The following PSD4 variants were observed in gnomAD, a reference collection of about 807,000 sequenced individuals.
The protein encoded by PSD4 is PH and SEC7 domain-containing protein 4.
A neutral mutation model predicts 112.5 loss-of-function variants in PSD4; 59 were observed. The observed-to-expected ratio is 0.52, with a 90% CI of 0.43 to 0.65. The LOEUF is 0.65. PSD4 is among the 30% of genes least tolerant of loss of function. PSD4 has a pLI of 0.00. For missense variants in PSD4, 1,267 were observed against 1,352.6 expected (o/e 0.94, Z 0.99); for synonymous variants, 533 against 540.0 (o/e 0.99, Z 0.18).
At position 113,198,800 on chromosome 2, in the gene PSD4, C is replaced by A; in HGVS notation, c.2685C>A (p.Ser895=). The stretch of plus-strand genomic sequence containing the variant: ...TCAACTTGGCTGCGGCCACGCACTC[C>A]GCGCCGCCCTTCCCCGCCGCTGTGG... ...ARINLAAATH[S]APPFPAAVGS... The change falls in exon 15 of 17, where the codon TCC becomes TCA. Residue 895 remains serine, a synonymous_variant. Coordinates refer to ENST00000245796, the MANE Select transcript of PSD4 (RefSeq NM_012455.3). The A allele has an allele frequency of 6.3e-7, 1 of 1,589,566 alleles. No homozygotes were observed. Among genetic ancestry groups the A allele is most frequent in the Non-Finnish European group, 8.5e-7 (1 of 1,172,046 alleles).
rs562274487 is a variant in PSD4, at chr2:113,195,534, C to CAGATGGAT, written c.2182-193_2182-192insAGATGGAT. On this transcript the variant is annotated intron_variant, in intron 10 of 16. Coordinates refer to ENST00000245796, the MANE Select transcript of PSD4 (RefSeq NM_012455.3). ...AATACTCCAGAAATACTTTGTTGCA[C>CAGATGGAT]GGATGGATGGATGGATGGATGGATG... Among the ~76,000 whole-genome samples the CAGATGGAT allele has an allele frequency of 5.3e-5, 8 of 150,632 alleles. No homozygotes were observed. The South Asian group carries it at 1.3e-3, about 24-fold the overall frequency.
intron 2 of PSD4, among the ~76,000 whole-genome samples, chr2:113,184,320 C>T (rs192813653): frequency 4.6e-5 from 7 of 151,984 alleles, no homozygotes; most frequent in Admixed American, 2.6e-4. Flanking sequence ...TGGGCCAGGG[C>T]CCCCAGTGTG....
chr2:113,195,846 C>A, intron 11 of PSD4, 76 bp downstream of exon 11: 1 of 1,576,594 alleles, frequency 6.3e-7, no homozygotes, highest in Non-Finnish European at 8.7e-7. Flanking sequence ...CTGTCACCCA[C>A]CCGAGAGTTA....
At chr2:113,200,259 G>A (rs1688737849) in intron 16 of PSD4, among the ~76,000 whole-genome samples, 1 of 152,158 alleles carries the variant, frequency 6.6e-6, no homozygotes, top group Non-Finnish European at 1.5e-5. Flanking sequence ...CCTAACACTG[G>A]GTGCCTGCTT....
At chr2:113,199,288 C>T in intron 16 of PSD4, 62 bp downstream of exon 16, 1 of 1,375,396 alleles carries the variant, frequency 7.3e-7, no homozygotes, top group Middle Eastern at 2.6e-4. Flanking sequence ...CTCGTGGCCG[C>T]CTCGGTCCCT....
intron 14 of PSD4, chr2:113,198,463 G>C: frequency 2.7e-6 from 1 of 365,064 alleles, no homozygotes; most frequent in Non-Finnish European, 4.9e-6. Flanking sequence ...GTAGAGACGG[G>C]GTTTCACCCT....
chr2:113,188,747 AT>A (rs1201147427), intron 5 of PSD4, among the ~76,000 whole-genome samples: 1 of 151,650 alleles, frequency 6.6e-6, no homozygotes. Context: ...CGCCCGGCTA[AT>A]TTTTTGTATT....
At chr2:113,198,668 C>T in intron 14 of PSD4, 72 bp from the exon 15 acceptor site, 1 of 1,473,892 alleles carries the variant, frequency 6.8e-7, no homozygotes, top group East Asian at 2.5e-5. Flanking sequence ...CAAGCAGCCA[C>T]AGGAGGGGGC....
chr2:113,186,319 C>G (rs1156709327), intron 5 of PSD4, 64 bp downstream of exon 5: 134 of 1,474,136 alleles, frequency 9.1e-5, no homozygotes, highest in Non-Finnish European at 1.2e-4. Flanking sequence ...ATATTCTAGT[C>G]TGGATGGAGG....
chr2:113,197,116 TG>T (rs1291663075), intron 12 of PSD4: 3 of 229,302 alleles, frequency 1.3e-5, no homozygotes, highest in Middle Eastern at 1.7e-3. Context: ...GTGCTCAGAG[TG>T]GGGTACACAG....
rs1558893827 is a variant in PSD4 at position 113,193,661 on chromosome 2, G to A, written c.2091+11G>A. 10 of 1,611,516 alleles carry A rather than the reference G, an allele frequency of 6.2e-6. No homozygotes were observed. Among genetic ancestry groups the A allele is most frequent in the Non-Finnish European group, 8.5e-6 (10 of 1,177,610 alleles). Reference sequence around the variant, plus strand: ...GACCTGCATGGACAGGTAAGACGGTGGAGAGAGTCCCTGTGGGAACTGAGG... The same window carrying A: ...GACCTGCATGGACAGGTAAGACGGTAGAGAGAGTCCCTGTGGGAACTGAGG... On this transcript the variant is annotated intron_variant, in intron 9 of 16. Coordinates refer to ENST00000245796, the MANE Select transcript of PSD4 (RefSeq NM_012455.3).
Position 113,197,609 on chromosome 2 carries a change from G to A in PSD4, c.2432G>A (p.Arg811Gln), listed in dbSNP as rs767825955. ...TGGAAGATGTTCCACACCTTACTGC[G>A]AGGGATGGTTCTCTACTTCCTGAAG... is the stretch of plus-strand genomic sequence containing the variant. ...RGWKMFHTLL[R>Q]GMVLYFLKQG... The change falls in exon 13 of 17, where the codon CGA becomes CAA. Residue 811 changes from arginine to glutamine, a missense_variant. Around this residue, in one of 2 missense-constraint regions of PSD4, gnomAD observed 544 missense variants for 648.6 expected, o/e 0.84. Transcript: ENST00000245796. 2.2e-5 allele frequency: 36 copies of A among 1,614,102 alleles called. No individual in the cohort carries two copies. The highest frequency in any genetic ancestry group is 3.1e-5 in the Non-Finnish European group (36 of 1,180,040).
intron 12 of PSD4, chr2:113,196,595 A>C: frequency 3.0e-6 from 1 of 332,164 alleles, no homozygotes; most frequent in African/African-American, 2.1e-5. Context: ...TCTGCGAAAA[A>C]AATGTAGCAA....
At chr2:113,195,694 G>C (rs759923940) in intron 10 of PSD4, 33 bp from the exon 11 acceptor site, 1 of 1,613,934 alleles carries the variant, frequency 6.2e-7, no homozygotes, top group South Asian at 1.1e-5. Flanking sequence ...CAGCCCTGAG[G>C]CTCCCCTGCC....
chr2:113,185,684 G>C, intron 4 of PSD4, 193 bp from the exon 5 acceptor site: 1 of 1,548,266 alleles, frequency 6.5e-7, no homozygotes, highest in Non-Finnish European at 8.7e-7. Context: ...GCCCTTAGTT[G>C]CCTGGAGGCT....
chr2:113,177,063 T>A (rs184413846), intron 1 of PSD4, among the ~76,000 whole-genome samples: 4 of 152,160 alleles, frequency 2.6e-5, no homozygotes, highest in Non-Finnish European at 1.5e-5. Context: ...ACAAGACAAT[T>A]GAATGGGTCC....
rs963266227 is a variant in PSD4 at position 113,192,643 on chromosome 2, C to G, written c.1838+54C>G. The G allele has an allele frequency of 6.5e-5, 102 of 1,572,936 alleles. No individual in the cohort carries two copies. In the African/African-American group the frequency reaches 1.3e-3, roughly 20 times the overall value. Reference sequence around the variant, plus strand: ...GGAGGCTGAGGCAGCCAGGGAGGAGCTGCTGAAGGGCTCCCTCCACTGGCC... The same window carrying G: ...GGAGGCTGAGGCAGCCAGGGAGGAGGTGCTGAAGGGCTCCCTCCACTGGCC... On this transcript the variant is annotated intron_variant, in intron 6 of 16. Coordinates refer to ENST00000245796, the MANE Select transcript of PSD4 (RefSeq NM_012455.3).
In PSD4 at chr2:113,198,869, C is replaced by A. The variant is rs1406038990; in HGVS notation, c.2754C>A (p.Pro918=). 1 of 1,592,004 alleles carries A rather than the reference C, an allele frequency of 6.3e-7. No individual in the cohort carries two copies. Among genetic ancestry groups the A allele is most frequent in the Non-Finnish European group, 8.5e-7 (1 of 1,176,002 alleles). Residue 918 remains proline, a synonymous_variant, in exon 15 of 17, where the codon CCC becomes CCA. Transcript: ENST00000245796. Reference sequence around the variant, plus strand: ...TGCGGCCCATCCTGCCCGTGGGCCCCGCCCAGAGCTCCCTGGTACGGCCTC... The same window carrying A: ...TGCGGCCCATCCTGCCCGTGGGCCCAGCCCAGAGCTCCCTGGTACGGCCTC... The part of the protein sequence containing the change: ...RFVRPILPVG[P]AQSSLEEQHR...
chr2:113,193,514 C>T, intron 8 of PSD4, 78 bp from the exon 9 acceptor site: 1 of 1,522,744 alleles, frequency 6.6e-7, no homozygotes, highest in South Asian at 1.1e-5. Context: ...TATTCGGTTA[C>T]CCCACGCAGT....
Sources: gnomAD v4.1 joint callset for allele counts (sites outside exome capture counted in the v4.1 genomes callset) on GRCh38, gnomAD v4.1.1 for gene constraint, gnomAD v4.1.1 regional missense constraint, MANE v1.5 for transcripts, NCBI Gene and HGNC (gene_info 2026-07-23, HGNC 2026-07-21) for gene names.